Variants in ZDHHC21 observed in about 807,000 individuals in gnomAD.
ZDHHC21 encodes palmitoyltransferase ZDHHC21.
Under a neutral mutation model 34.6 loss-of-function variants are expected in ZDHHC21, and 15 were observed. The ratio of observed to expected loss-of-function variants is 0.43; its 90% CI spans 0.29 to 0.67. The LOEUF is 0.67. ZDHHC21 is among the 30% of genes least tolerant of loss of function. ZDHHC21 has a pLI of 0.14. For synonymous variants in ZDHHC21, 142 were observed against 101.8 expected, an observed-to-expected ratio of 1.40 and a Z score of -2.38; for missense variants, 344 against 327.7, an observed-to-expected ratio of 1.05 and a Z score of -0.38.
At chr9:14,681,616 G>C (rs1038466872) in intron 2 of ZDHHC21, among the ~76,000 whole-genome samples, 2 of 152,120 alleles carry the variant, frequency 1.3e-5, no homozygotes, top group Non-Finnish European at 2.9e-5. Context: ...TTGGTGGACT[G>C]ATAAAGCACT....
intron 5 of ZDHHC21, among the ~76,000 whole-genome samples, chr9:14,667,425 G>A (rs1350906920): frequency 1.3e-5 from 2 of 151,982 alleles, no homozygotes; most frequent in Non-Finnish European, 2.9e-5. Context: ...AGAGGTACAA[G>A]GAGGAACTGA....
intron 7 of ZDHHC21, among the ~76,000 whole-genome samples, chr9:14,655,673 A>C (rs1207935923): frequency 6.6e-6 from 1 of 151,814 alleles, no homozygotes; most frequent in Non-Finnish European, 1.5e-5. Context: ...GGAAACTATA[A>C]AAAGAGTAAA....
At chr9:14,636,915 G>T (rs1258953368) in intron 8 of ZDHHC21, among the ~76,000 whole-genome samples, 3 of 152,018 alleles carry the variant, frequency 2.0e-5, no homozygotes, top group African/African-American at 7.2e-5. Flanking sequence ...GTGCTAGGAG[G>T]GAAGTTTACA....
In ZDHHC21 at chr9:14,658,906, A is replaced by T. The variant is rs767083885; in HGVS notation, c.366-19T>A. The stretch of plus-strand genomic sequence containing the variant: ...GTTAATCCTAAAGAAAAAAAATGAA[A>T]AAGAAACAATATTTTAAATTTCAAG... On this transcript the variant is annotated intron_variant, in intron 6 of 9. Coordinates refer to ENST00000380916, the MANE Select transcript of ZDHHC21 (RefSeq NM_178566.6). The T allele has an allele frequency of 1.4e-5, 22 of 1,593,290 alleles. 1 individual carries two copies. The South Asian group carries it at 2.5e-4, about 18-fold the overall frequency.
chr9:14,636,337 G>T (rs1381974405), intron 8 of ZDHHC21, among the ~76,000 whole-genome samples: 2 of 152,128 alleles, frequency 1.3e-5, no homozygotes, highest in South Asian at 2.1e-4. Flanking sequence ...ACCATTATAT[G>T]AGATCAATTC....
intron 2 of ZDHHC21, among the ~76,000 whole-genome samples, chr9:14,683,250 T>A (rs186598442): frequency 6.0e-4 from 91 of 152,298 alleles, no homozygotes; most frequent in African/African-American, 2.1e-3. Context: ...ATCCAGGAGC[T>A]GGTTTTTTAT....
At chr9:14,662,115 A>G in intron 6 of ZDHHC21, 100 bp downstream of exon 6, 1 of 703,688 alleles carries the variant, frequency 1.4e-6, no homozygotes, top group Non-Finnish European at 2.2e-6. Flanking sequence ...TTGTAAAACT[A>G]TATAACTTTA....
intron 7 of ZDHHC21, among the ~76,000 whole-genome samples, chr9:14,647,081 G>A (rs895515311): frequency 2.0e-5 from 3 of 151,976 alleles, no homozygotes; most frequent in African/African-American, 7.2e-5. Context: ...TATAATAGCA[G>A]CAATAAACAC....
At chr9:14,608,578 T>C (rs574980220), downstream of ZDHHC21, among the ~76,000 whole-genome samples, 2 of 152,286 alleles carry the variant, frequency 1.3e-5, no homozygotes, top group South Asian at 4.1e-4. Flanking sequence ...AGGGGCCTAA[T>C]TTGAAAATAC....
chr9:14,677,451 G>A (rs1372753959), intron 3 of ZDHHC21: 5 of 151,888 alleles, frequency 3.3e-5, no homozygotes, highest in South Asian at 2.1e-4. Context: ...TCTACCAGGC[G>A]TGGCTTATGG....
chr9:14,684,671 A>C (rs1013268201), intron 2 of ZDHHC21, among the ~76,000 whole-genome samples: 3 of 152,046 alleles, frequency 2.0e-5, no homozygotes, highest in Non-Finnish European at 4.4e-5. Flanking sequence ...CAAGCTACCA[A>C]TGCCTTTCTT....
downstream of ZDHHC21, among the ~76,000 whole-genome samples, chr9:14,609,144 C>G (rs1586826763): frequency 6.7e-6 from 1 of 148,768 alleles, no homozygotes; most frequent in Non-Finnish European, 1.5e-5. Context: ...AAAAAGGTGA[C>G]AAGCCATTTT....
At position 14,617,072 on chromosome 9, in the gene ZDHHC21, A is replaced by G. The variant is rs1165990603; in HGVS notation, c.*1894T>C. 1 of 150,768 alleles carries G rather than the reference A, an allele frequency of 6.6e-6. No individual in the cohort carries two copies. Among genetic ancestry groups the G allele is most frequent in the Non-Finnish European group, 1.5e-5 (1 of 67,498 alleles). The allele number at this position is 150,768 out of a possible 1,614,324, so 9.3% of individuals were successfully genotyped here. ...TATTTGAAAGGAATGTATACAATAT[A>G]AGGCATTCAACTGATATCTACCTAC... On this transcript the variant is annotated 3_prime_UTR_variant, in exon 10 of 10. Transcript: ENST00000380916.
chr9:14,634,780 G>C (rs1827978869), intron 8 of ZDHHC21, among the ~76,000 whole-genome samples: 1 of 151,786 alleles, frequency 6.6e-6, no homozygotes, highest in African/African-American at 2.4e-5. Flanking sequence ...AGGGACACAA[G>C]AAACATAAAA....
In ZDHHC21 at chr9:14,621,611, G is replaced by C. The variant is rs1825318802; in HGVS notation, c.622-1929C>G. Among the ~76,000 whole-genome samples the C allele has an allele frequency of 2.0e-5, 3 of 151,986 alleles. No homozygotes were observed. The South Asian group carries it at 6.2e-4, about 32-fold the overall frequency. Reference sequence around the variant, plus strand: ...CAAATAGGCTATTTTTTTTCCTCTAGAAATGGCAAATGCTCATCTGTCTGT... The same window carrying C: ...CAAATAGGCTATTTTTTTTCCTCTACAAATGGCAAATGCTCATCTGTCTGT... On this transcript the variant is annotated intron_variant, in intron 8 of 9. Transcript: ENST00000380916.
chr9:14,589,139 C>T, the ZDHHC21 span: 4 of 152,092 alleles, frequency 2.6e-5, no homozygotes, highest in Non-Finnish European at 5.9e-5. Flanking sequence ...ATGAATGAGC[C>T]TCAACAGAAG....
intron 3 of ZDHHC21, among the ~76,000 whole-genome samples, chr9:14,676,729 C>T (rs28537759): frequency 0.24 from 36,520 of 151,614 alleles, 5,034 homozygotes; most frequent in East Asian, 0.33. Context: ...ATTTAATTTG[C>T]TAAGAATCAT....
chr9:14,594,778 C>T, the ZDHHC21 span, among the ~76,000 whole-genome samples: 1 of 151,974 alleles, frequency 6.6e-6, no homozygotes, highest in Non-Finnish European at 1.5e-5. Flanking sequence ...AAAATATTTG[C>T]AAATCATATA....
intron 5 of ZDHHC21, among the ~76,000 whole-genome samples, chr9:14,669,902 C>T (rs952206325): frequency 1.4e-5 from 2 of 143,128 alleles, no homozygotes; most frequent in Non-Finnish European, 3.0e-5. Flanking sequence ...ATACCTAATG[C>T]TAGATGACGA....
Sources: allele counts gnomAD v4.1 joint callset (sites outside exome capture counted in the v4.1 genomes callset), GRCh38; gene constraint gnomAD v4.1.1; transcripts MANE v1.5; gene names NCBI Gene and HGNC (gene_info 2026-07-23, HGNC 2026-07-21).